Variants in ERCC6L observed in about 807,000 individuals in gnomAD.
The protein encoded by ERCC6L is DNA excision repair protein ERCC-6-like.
Under a neutral mutation model 20.1 loss-of-function variants are expected in ERCC6L, and 7 were observed. That is an observed-to-expected ratio of 0.35 (90% CI 0.20 to 0.65). The LOEUF is 0.65. Among genes scored for constraint, ERCC6L ranks in the 30% least tolerant of loss-of-function variants. ERCC6L has a pLI of 0.69. For missense variants in ERCC6L, 592 were observed against 892.4 expected (o/e 0.66, Z 4.29); for synonymous variants, 278 against 331.3 (o/e 0.84, Z 1.75).
At chrX:72,230,232 A>C (rs1048725409) in intron 1 of ERCC6L, among the ~76,000 whole-genome samples, 2 of 110,614 alleles carry the variant, frequency 1.8e-5, no homozygotes, top group Admixed American at 9.7e-5. Context: ...TTGAAGAGCA[A>C]CCTCATCATA....
In ERCC6L at chrX:72,207,486, A is replaced by G; in HGVS notation, c.1281T>C (p.Leu427=). 2 of 1,210,427 alleles carry G rather than the reference A, an allele frequency of 1.7e-6. No individual in the cohort carries two copies. The highest frequency in any genetic ancestry group is 2.2e-6 in the Non-Finnish European group (2 of 894,469). ...LSARACCLLN[L]GTFSAQDGNE... ...TTCCATCTTGAGCAGAGAATGTCCC[A>G]AGATTTAGCAAACAACAAGCCCGTG... Residue 427 remains leucine (L), a synonymous_variant, in exon 2 of 2, where the codon CTT becomes CTC. Transcript: ENST00000334463.
intron 1 of ERCC6L, among the ~76,000 whole-genome samples, chrX:72,226,743 C>T (rs1323933390): frequency 1.8e-5 from 2 of 111,482 alleles, no homozygotes; most frequent in Non-Finnish European, 3.8e-5. Flanking sequence ...TACAACATAT[C>T]CCCTCCTTTT....
intron 1 of ERCC6L, among the ~76,000 whole-genome samples, chrX:72,208,951 C>T (rs1428382830): frequency 9.0e-6 from 1 of 111,608 alleles, no homozygotes; most frequent in East Asian, 2.8e-4. Context: ...TTATTGGTTC[C>T]ACAGTATTTT....
In ERCC6L at chrX:72,207,766, T is replaced by C; in HGVS notation, c.1001A>G (p.Gln334Arg). 1 of 1,211,408 alleles carries C rather than the reference T, an allele frequency of 8.3e-7. No individual in the cohort carries two copies. Among genetic ancestry groups the C allele is most frequent in the Non-Finnish European group, 1.1e-6 (1 of 895,253 alleles). The change falls in exon 2 of 2, where the codon CAG becomes CGG. Residue 334 changes from glutamine (Q) to arginine (R), a missense_variant. Coordinates refer to ENST00000334463, the MANE Select transcript of ERCC6L (RefSeq NM_017669.4). ...YFLRRTKEDVQKKKSSNPEAR... is the reference protein window; with the variant it reads ...YFLRRTKEDVRKKKSSNPEAR... ...CTCTGGGTTGCTTGACTTTTTCTTC[T>C]GTACGTCTTCTTTAGTCCTCCTGAG...
At chrX:72,236,723 C>T (rs1453593001) in intron 1 of ERCC6L, among the ~76,000 whole-genome samples, 1 of 112,148 alleles carries the variant, frequency 8.9e-6, no homozygotes, top group Non-Finnish European at 1.9e-5. Context: ...CAAAATGACA[C>T]ACAGCAGGCC....
At chrX:72,211,441 A>G (rs2042853534) in intron 1 of ERCC6L, among the ~76,000 whole-genome samples, 1 of 111,892 alleles carries the variant, frequency 8.9e-6, no homozygotes, top group South Asian at 3.7e-4. Flanking sequence ...TTATGTTTAA[A>G]TGGTTTTACC....
At chrX:72,213,563 G>A (rs1049738344) in intron 1 of ERCC6L, among the ~76,000 whole-genome samples, 4 of 111,907 alleles carry the variant, frequency 3.6e-5, no homozygotes, top group South Asian at 3.7e-4. Flanking sequence ...GTTTGCCACC[G>A]TTGCAGACCC....
At chrX:72,217,993 G>A (rs2042896466) in intron 1 of ERCC6L, among the ~76,000 whole-genome samples, 1 of 111,287 alleles carries the variant, frequency 9.0e-6, no homozygotes, top group African/African-American at 3.3e-5. Flanking sequence ...GATGGGGGCC[G>A]GGCGCGGTGG....
Position 72,206,513 on chromosome X carries a change from G to C in ERCC6L, c.2254C>G (p.Pro752Ala). 2.5e-6 allele frequency: 3 copies of C among 1,211,392 alleles called. No homozygotes were observed. The highest frequency in any genetic ancestry group is 3.4e-6 in the Non-Finnish European group (3 of 895,453). Residue 752 changes from proline to alanine, a missense_variant, in exon 2 of 2, where the codon CCT (proline) becomes GCT (alanine). Physicochemically the swap from Pro to Ala is conservative, Grantham distance 27 (BLOSUM62 -1). Coordinates refer to ENST00000334463, the MANE Select transcript of ERCC6L (RefSeq NM_017669.4). ...KKCPKLNKPQ[P>A]QPSPLLSTHH... ...GTACTTAGAAGAGGTGAAGGCTGAGGCTGTGGTTTATTCAATTTAGGGCAT... is the reference window on the plus strand; with the variant it reads ...GTACTTAGAAGAGGTGAAGGCTGAGCCTGTGGTTTATTCAATTTAGGGCAT...
At chrX:72,234,233 G>A (rs1479151907) in intron 1 of ERCC6L, among the ~76,000 whole-genome samples, 3 of 112,589 alleles carry the variant, frequency 2.7e-5, no homozygotes, top group African/African-American at 6.5e-5. Flanking sequence ...AGAATCTGAA[G>A]CAGCAGTCAG....
intron 1 of ERCC6L, among the ~76,000 whole-genome samples, chrX:72,227,517 A>G (rs772911023): frequency 2.2e-4 from 25 of 111,879 alleles, no homozygotes; most frequent in African/African-American, 8.1e-4. Flanking sequence ...CATGTATGGG[A>G]AACCACTGGC....
At position 72,205,843 on chromosome X, in the gene ERCC6L, A is replaced by C; in HGVS notation, c.2924T>G (p.Val975Gly). ...QNFSSQSLEH[V>G]EKENSLCGSA... ...GCCACACAAGCTATTTTCTTTCTCA[A>C]CATGCTCTAAAGACTGACTGGAAAA... The change falls in exon 2 of 2, where the codon GTT (valine) becomes GGT (glycine). Residue 975 changes from valine (V) to glycine (G), a missense_variant. This residue lies in a region of ERCC6L where 352 missense variants were observed against 402.6 expected (regional missense o/e 0.87). Coordinates refer to ENST00000334463, the MANE Select transcript of ERCC6L (RefSeq NM_017669.4). 1 of 1,211,682 alleles carries C rather than the reference A, an allele frequency of 8.3e-7. No homozygotes were observed. The highest frequency in any genetic ancestry group is 3.0e-5 in the East Asian group (1 of 33,839).
chrX:72,216,065 A>G (rs1050501429), intron 1 of ERCC6L, among the ~76,000 whole-genome samples: 1 of 110,660 alleles, frequency 9.0e-6, no homozygotes, highest in Admixed American at 9.7e-5. Context: ...GTCCTCCAAA[A>G]TTTCATGTCA....
intron 1 of ERCC6L, among the ~76,000 whole-genome samples, chrX:72,229,035 A>G (rs974370863): frequency 9.0e-6 from 1 of 111,043 alleles, no homozygotes; most frequent in Non-Finnish European, 1.9e-5. Flanking sequence ...CAATTATCCT[A>G]CTTCCAGGGC....
chrX:72,221,036 C>T (rs897002457), intron 1 of ERCC6L, among the ~76,000 whole-genome samples: 1 of 111,414 alleles, frequency 9.0e-6, no homozygotes, highest in African/African-American at 3.3e-5. Flanking sequence ...ATTTTTGGAG[C>T]GATTTGCATG....
chrX:72,228,032 G>T (rs2042963131), intron 1 of ERCC6L, among the ~76,000 whole-genome samples: 1 of 112,079 alleles, frequency 8.9e-6, no homozygotes, highest in African/African-American at 3.2e-5. Flanking sequence ...CATTCCACAA[G>T]TTACTTCCTC....
At chrX:72,237,538 C>T (rs1477245232) in intron 1 of ERCC6L, among the ~76,000 whole-genome samples, 4 of 109,007 alleles carry the variant, frequency 3.7e-5, no homozygotes, top group Non-Finnish European at 7.6e-5. Flanking sequence ...GCGGAGCTTG[C>T]TGTGAGCCCA....
At chrX:72,237,458 T>C (rs1038461975) in intron 1 of ERCC6L, among the ~76,000 whole-genome samples, 3 of 110,678 alleles carry the variant, frequency 2.7e-5, no homozygotes, top group Non-Finnish European at 5.7e-5. Context: ...ATTAGCCGGG[T>C]GTGTTAGCGG....
At chrX:72,235,118 A>G (rs1173880231) in intron 1 of ERCC6L, among the ~76,000 whole-genome samples, 1 of 112,084 alleles carries the variant, frequency 8.9e-6, no homozygotes, top group African/African-American at 3.2e-5. Flanking sequence ...AACACAAAGT[A>G]TTATCTTTTA....
Sources: gnomAD v4.1 joint callset for allele counts (sites outside exome capture counted in the v4.1 genomes callset) on GRCh38, gnomAD v4.1.1 for gene constraint, gnomAD v4.1.1 regional missense constraint, MANE v1.5 for transcripts, NCBI Gene and HGNC (gene_info 2026-07-23, HGNC 2026-07-21) for gene names.